Variants in GPR176 observed in about 807,000 individuals in gnomAD.
The protein encoded by GPR176 is G protein-coupled receptor 176, also known as G-protein coupled receptor 176.
A neutral mutation model predicts 35.4 loss-of-function variants in GPR176; 26 were observed. That is an observed-to-expected ratio of 0.74 (90% confidence interval 0.54 to 1.02). GPR176 has a LOEUF of 1.02. Ranked by LOEUF, GPR176 falls within the 50% of genes least tolerant of loss-of-function variation. GPR176 has a pLI of 0.00. For synonymous variants in GPR176, 278 were observed against 271.3 expected, an observed-to-expected ratio of 1.02 and a Z score of -0.24; for missense variants, 597 against 665.3, an observed-to-expected ratio of 0.90 and a Z score of 1.13.
chr15:39,887,885 G>A (rs1238527966), intron 1 of GPR176, among the ~76,000 whole-genome samples: 5 of 152,348 alleles, frequency 3.3e-5, no homozygotes, highest in African/African-American at 9.6e-5. Context: ...CTGGGAAGAT[G>A]CAGATATAAA....
At chr15:39,846,073 T>C (rs924095070) in intron 1 of GPR176, among the ~76,000 whole-genome samples, 4 of 152,214 alleles carry the variant, frequency 2.6e-5, no homozygotes, top group Non-Finnish European at 5.9e-5. Flanking sequence ...TTTTACTTTT[T>C]GAAAATATCG....
intron 1 of GPR176, among the ~76,000 whole-genome samples, chr15:39,864,418 G>A (rs1487621354): frequency 1.3e-5 from 2 of 152,006 alleles, no homozygotes; most frequent in Non-Finnish European, 2.9e-5. Flanking sequence ...AACAAATGCC[G>A]CTGGGAAAAT....
intron 1 of GPR176, among the ~76,000 whole-genome samples, chr15:39,879,625 T>C (rs1049490477): frequency 2.0e-5 from 3 of 152,104 alleles, no homozygotes; most frequent in Admixed American, 1.3e-4. Flanking sequence ...GGACTAACAC[T>C]TGACAACATC....
chr15:39,810,884 A>G (rs1899502663), intron 1 of GPR176, among the ~76,000 whole-genome samples: 1 of 152,210 alleles, frequency 6.6e-6, no homozygotes, highest in Non-Finnish European at 1.5e-5. Flanking sequence ...ACCCCATAAT[A>G]GAAGAAACAA....
At chr15:39,862,849 C>T (rs2031661803) in intron 1 of GPR176, among the ~76,000 whole-genome samples, 1 of 150,996 alleles carries the variant, frequency 6.6e-6, no homozygotes, top group Admixed American at 6.6e-5. Flanking sequence ...GAGTGTATCT[C>T]ATATATATAT....
At chr15:39,849,030 AGAACTGGTCCTTTGAAAAGATCAAT>A (rs1695182627) in intron 1 of GPR176, among the ~76,000 whole-genome samples, 1 of 152,122 alleles carries the variant, frequency 6.6e-6, no homozygotes, top group Non-Finnish European at 1.5e-5. Context: ...AGTGAAATAA[AGAACTGGTCCTTTGAAAAGATCAAT>A]GAAATTGATA....
At position 39,802,257 on chromosome 15, in the gene GPR176, G is replaced by T; in HGVS notation, c.426-3C>A. 6.4e-7 allele frequency: 1 copy of T among 1,564,958 alleles called. No homozygotes were observed. Among genetic ancestry groups the T allele is most frequent in the Non-Finnish European group, 8.7e-7 (1 of 1,153,944 alleles). ...GTGGATAGAGGACTGAGTAGTACCT[G>T]CAAGATACACAAACAAAATTAATTC... is the stretch of plus-strand genomic sequence containing the variant. On this transcript the variant is annotated splice_polypyrimidine_tract_variant and splice_region_variant and intron_variant, in intron 2 of 2. Transcript: ENST00000561100.
chr15:39,880,251 A>T (rs978397469), intron 1 of GPR176, among the ~76,000 whole-genome samples: 1 of 152,116 alleles, frequency 6.6e-6, no homozygotes, highest in African/African-American at 2.4e-5. Context: ...CATCCAGTGG[A>T]CACTGTCTGG....
chr15:39,839,326 C>T (rs920589981), intron 1 of GPR176, among the ~76,000 whole-genome samples: 1 of 152,130 alleles, frequency 6.6e-6, no homozygotes, highest in African/African-American at 2.4e-5. Flanking sequence ...TAATACCACA[C>T]ATCTACAACC....
intron 1 of GPR176, among the ~76,000 whole-genome samples, chr15:39,859,176 G>A (rs1321888297): frequency 6.6e-6 from 1 of 152,018 alleles, no homozygotes; most frequent in Non-Finnish European, 1.5e-5. Context: ...TATTTAAAAT[G>A]ATCAAAGATG....
chr15:39,898,739 A>G (rs2033191233), intron 1 of GPR176, among the ~76,000 whole-genome samples: 1 of 152,182 alleles, frequency 6.6e-6, no homozygotes, highest in South Asian at 2.1e-4. Flanking sequence ...GTAAAGAGAC[A>G]TGATCAGAGT....
intron 1 of GPR176, among the ~76,000 whole-genome samples, chr15:39,889,548 AAAAATAAAATAAAATAAAAT>A (rs201122190): frequency 0.33 from 43,220 of 132,638 alleles, 7,216 homozygotes; most frequent in Admixed American, 0.41. Flanking sequence ...ATTCCATCTC[AAAAATAAAATAAAATAAAAT>A]AAAATAAAAT....
At chr15:39,837,090 G>A (rs1054512995) in intron 1 of GPR176, among the ~76,000 whole-genome samples, 9 of 152,100 alleles carry the variant, frequency 5.9e-5, no homozygotes, top group Admixed American at 5.9e-4. Flanking sequence ...TATCAGTCTA[G>A]GGAAGGACTT....
At chr15:39,840,030 G>T (rs1008647033) in intron 1 of GPR176, among the ~76,000 whole-genome samples, 5 of 152,222 alleles carry the variant, frequency 3.3e-5, no homozygotes, top group Non-Finnish European at 7.3e-5. Context: ...TCACACTACT[G>T]GTGGGAGAGT....
intron 1 of GPR176, among the ~76,000 whole-genome samples, chr15:39,892,378 G>C (rs1305231880): frequency 6.6e-6 from 1 of 152,172 alleles, no homozygotes; most frequent in Non-Finnish European, 1.5e-5. Context: ...TGAAGTTAGA[G>C]ATGACAGTAG....
chr15:39,807,888 G>A (rs1737136723), intron 1 of GPR176, among the ~76,000 whole-genome samples: 1 of 152,124 alleles, frequency 6.6e-6, no homozygotes, highest in Non-Finnish European at 1.5e-5. Flanking sequence ...CCTTTCAATA[G>A]CCACATGCAG....
intron 1 of GPR176, among the ~76,000 whole-genome samples, chr15:39,890,733 C>G (rs1474615004): frequency 6.6e-6 from 1 of 152,172 alleles, no homozygotes; most frequent in Non-Finnish European, 1.5e-5. Context: ...TCCTTTTGCC[C>G]ATGACAAAAC....
chr15:39,828,688 A>C (rs1900850764), intron 1 of GPR176, among the ~76,000 whole-genome samples: 1 of 152,032 alleles, frequency 6.6e-6, no homozygotes, highest in South Asian at 2.1e-4. Flanking sequence ...AAAATAAAAA[A>C]ACCTGCCGTT....
chr15:39,848,795 A>G (rs533844340), intron 1 of GPR176, among the ~76,000 whole-genome samples: 23 of 152,060 alleles, frequency 1.5e-4, no homozygotes, highest in Admixed American at 1.0e-3. Flanking sequence ...ACCTATCAAA[A>G]TTTGTGGGAC....
Sources: allele counts gnomAD v4.1 joint callset (sites outside exome capture counted in the v4.1 genomes callset), GRCh38; gene constraint gnomAD v4.1.1; transcripts MANE v1.5; gene names NCBI Gene and HGNC (gene_info 2026-07-23, HGNC 2026-07-21).